Variants in SGSM2 observed in about 807,000 individuals in gnomAD.
SGSM2 encodes the protein small G protein signaling modulator 2, also known as RUN and TBC1 domain containing 1.
Under a neutral mutation model 126.6 loss-of-function variants are expected in SGSM2, and 89 were observed. That is an observed-to-expected ratio of 0.70 (90% CI 0.59 to 0.84). SGSM2 has a LOEUF of 0.84. Among genes scored for constraint, SGSM2 ranks in the 40% least tolerant of loss-of-function variants. The probability of loss-of-function intolerance (pLI) is 0.00; values close to 1 mark genes in which losing one functional copy is unlikely to be tolerated. For missense variants in SGSM2, 1,404 were observed against 1,416.6 expected (o/e 0.99, Z 0.14); for synonymous variants, 614 against 574.3 (o/e 1.07, Z -0.99).
Position 2,372,968 on chromosome 17 carries a change from G to C in SGSM2, c.1804G>C (p.Glu602Gln). The change falls in exon 16 of 24, where the codon GAG (glutamate) becomes CAG (glutamine). Residue 602 changes from glutamate (E) to glutamine (Q), a missense_variant. Transcript: ENST00000268989. The surrounding 1 kb of genome is among the most constrained non-coding windows in gnomAD (Gnocchi z 6.0). ...QKDKKNYKELELLRQVYYGGI... is the reference protein window; with the variant it reads ...QKDKKNYKELQLLRQVYYGGI... Reference sequence around the variant, plus strand: ...GGTCCCTCAGAACTACAAAGAGCTGGAGCTGCTGCGGCAAGTTTACTACGG... The same window carrying C: ...GGTCCCTCAGAACTACAAAGAGCTGCAGCTGCTGCGGCAAGTTTACTACGG... 6.4e-7 allele frequency: 1 copy of C among 1,569,640 alleles called. No homozygotes were observed. Among genetic ancestry groups the C allele is most frequent in the East Asian group, 2.4e-5 (1 of 42,358 alleles).
At chr17:2,339,117 G>A (rs2064228854) in intron 1 of SGSM2, among the ~76,000 whole-genome samples, 1 of 151,484 alleles carries the variant, frequency 6.6e-6, no homozygotes, top group African/African-American at 2.4e-5. Flanking sequence ...TTGGGGAAGC[G>A]TCTGGACTCT....
chr17:2,365,097 G>A, intron 10 of SGSM2, 40 bp downstream of exon 10: 2 of 1,603,828 alleles, frequency 1.2e-6, no homozygotes, highest in Non-Finnish European at 1.7e-6. Context: ...GGCTGTGTGT[G>A]GGGTTCTCTG....
chr17:2,378,634 C>G (rs1462249805), intron 22 of SGSM2, among the ~76,000 whole-genome samples: 2 of 152,192 alleles, frequency 1.3e-5, no homozygotes, highest in Non-Finnish European at 2.9e-5. Flanking sequence ...TCTCATAGAT[C>G]ATAGTTTGGG....
chr17:2,358,309 G>A (rs1011246394), intron 2 of SGSM2, among the ~76,000 whole-genome samples: 2 of 152,304 alleles, frequency 1.3e-5, no homozygotes, highest in African/African-American at 4.8e-5. Context: ...GTTGCTGCCG[G>A]CTTTGCAGGC....
intron 1 of SGSM2, among the ~76,000 whole-genome samples, chr17:2,342,831 G>T (rs1244712170): frequency 2.6e-5 from 4 of 152,024 alleles, no homozygotes; most frequent in African/African-American, 9.7e-5. Flanking sequence ...ACAAAAATTA[G>T]CAGGGCGTGG....
chr17:2,370,199 C>T (rs2065800745), intron 12 of SGSM2, among the ~76,000 whole-genome samples: 1 of 152,242 alleles, frequency 6.6e-6, no homozygotes, highest in Non-Finnish European at 1.5e-5. Flanking sequence ...GGCTCTCCAT[C>T]CCTGTTCTTC....
intron 12 of SGSM2, among the ~76,000 whole-genome samples, chr17:2,368,289 C>CT (rs2065689518): frequency 6.6e-6 from 1 of 152,152 alleles, no homozygotes; most frequent in South Asian, 2.1e-4. Flanking sequence ...GAGCCCCCCT[C>CT]TTTTCAGCAA....
intron 2 of SGSM2, among the ~76,000 whole-genome samples, chr17:2,346,271 G>A (rs541168322): frequency 3.3e-5 from 5 of 152,250 alleles, no homozygotes; most frequent in African/African-American, 1.2e-4. Flanking sequence ...TAGTTTCAAG[G>A]GACCCTTGTG....
chr17:2,367,486 G>A lies in SGSM2; in HGVS notation c.1423+81G>A, dbSNP rs1015543340. 1.7e-5 allele frequency: 26 copies of A among 1,486,082 alleles called. No homozygotes were observed. The highest frequency in any genetic ancestry group is 2.4e-4 in the Middle Eastern group (1 of 4,126). 92.1% of individuals were successfully genotyped at this position (1,486,082 alleles called of 1,614,324 possible). A position where few individuals can be genotyped will look rare whatever the true frequency, so the allele number is the denominator to read the frequency against. On this transcript the variant is annotated intron_variant, in intron 12 of 23. Coordinates refer to ENST00000268989, the MANE Select transcript of SGSM2 (RefSeq NM_014853.3). This position sits in a 1 kb window ranked among gnomAD's most constrained non-coding sequence, Gnocchi z 4.0. ...CGCCTGCCACCCACCACAGGGGTTCGAACGGCAGTGTTGGCATTAGGGGAC... is the reference window on the plus strand; with the variant it reads ...CGCCTGCCACCCACCACAGGGGTTCAAACGGCAGTGTTGGCATTAGGGGAC...
chr17:2,376,358 G>A (rs555734472), intron 19 of SGSM2, 97 bp downstream of exon 19: 3 of 1,514,686 alleles, frequency 2.0e-6, no homozygotes, highest in African/African-American at 2.7e-5. Context: ...CCTCTCTCCT[G>A]CTCCTGAATC....
At position 2,363,295 on chromosome 17, in the gene SGSM2, C is replaced by G. The variant is rs912063814; in HGVS notation, c.672+161C>G. 2.0e-5 allele frequency among the ~76,000 whole-genome samples: 3 copies of G among 152,262 alleles called. No individual in the cohort carries two copies. The highest frequency in any genetic ancestry group is 6.5e-5 in the Admixed American group (1 of 15,284). On this transcript the variant is annotated intron_variant, in intron 6 of 23. Transcript: ENST00000268989. The surrounding 1 kb of genome is among the most constrained non-coding windows in gnomAD (Gnocchi z 4.2). ...GCACAATAAAACTTAACACAAATGC[C>G]GGGAGCCCATGCTGGTCCGTGGCTG...
chr17:2,339,581 G>A (rs553602444), intron 1 of SGSM2, among the ~76,000 whole-genome samples: 1 of 151,994 alleles, frequency 6.6e-6, no homozygotes, highest in East Asian at 1.9e-4. Flanking sequence ...GGGCGTGGTG[G>A]CGGGCGAATG....
rs2151592255 is a variant in SGSM2, at chr17:2,367,248, C to T, written c.1289-23C>T. 1 of 1,605,728 alleles carries T rather than the reference C, an allele frequency of 6.2e-7. No individual in the cohort carries two copies. The highest frequency in any genetic ancestry group is 8.5e-7 in the Non-Finnish European group (1 of 1,176,180). On this transcript the variant is annotated intron_variant, in intron 11 of 23. Transcript: ENST00000268989. This position sits in a 1 kb window ranked among gnomAD's most constrained non-coding sequence, Gnocchi z 4.0. ...AGGGATGAGGGCCTCATGCCTCTGC[C>T]TCTCGCTGTTCTCTTTGAGCAGTCA...
chr17:2,363,153 C>T lies in SGSM2; in HGVS notation c.672+19C>T, dbSNP rs1428230476. 2.5e-6 allele frequency: 4 copies of T among 1,577,740 alleles called. No individual in the cohort carries two copies. Among genetic ancestry groups the T allele is most frequent in the South Asian group, 1.1e-5 (1 of 87,610 alleles). ...CCTGGGGGTAGGTGCCCCCTCCCCA[C>T]CCTTTGGGCTCATCTGGGCTATGCC... On this transcript the variant is annotated intron_variant, in intron 6 of 23. Coordinates refer to ENST00000268989, the MANE Select transcript of SGSM2 (RefSeq NM_014853.3). The surrounding 1 kb of genome is among the most constrained non-coding windows in gnomAD (Gnocchi z 4.2).
chr17:2,369,554 G>A (rs559423877), intron 12 of SGSM2, among the ~76,000 whole-genome samples: 10 of 152,220 alleles, frequency 6.6e-5, no homozygotes, highest in Non-Finnish European at 1.3e-4. Context: ...CACTGGGCTC[G>A]CTCAGAGACA....
chr17:2,376,530 G>C (rs1452245920), intron 19 of SGSM2: 3 of 687,408 alleles, frequency 4.4e-6, no homozygotes, highest in African/African-American at 3.6e-5. Context: ...TGACGGCCTT[G>C]GCTCTCCCTA....
At chr17:2,346,916 C>G (rs956922797) in intron 2 of SGSM2, among the ~76,000 whole-genome samples, 2 of 152,000 alleles carry the variant, frequency 1.3e-5, no homozygotes, top group Non-Finnish European at 2.9e-5. Flanking sequence ...TTACAGGATG[C>G]AGTCTCTACA....
chr17:2,348,270 G>T (rs1300603564), intron 2 of SGSM2, among the ~76,000 whole-genome samples: 1 of 152,134 alleles, frequency 6.6e-6, no homozygotes, highest in East Asian at 1.9e-4. Flanking sequence ...CTGAGATTTG[G>T]ACTCCAGGCA....
chr17:2,368,116 C>T (rs191742091), intron 12 of SGSM2, among the ~76,000 whole-genome samples: 8 of 152,338 alleles, frequency 5.3e-5, no homozygotes, highest in African/African-American at 1.4e-4. Flanking sequence ...TCTTCACCTG[C>T]GCCAGGGATA....
Sources: allele counts gnomAD v4.1 joint callset (sites outside exome capture counted in the v4.1 genomes callset), GRCh38; gene constraint gnomAD v4.1.1; non-coding constraint Gnocchi (gnomAD v3.1); transcripts MANE v1.5; gene names NCBI Gene and HGNC (gene_info 2026-07-23, HGNC 2026-07-21).